MAN2B2: variants seen among roughly 807,000 people sequenced by gnomAD.
The protein encoded by MAN2B2 is mannosidase alpha class 2B member 2, also known as epididymis-specific alpha-mannosidase.
A neutral mutation model predicts 117.1 loss-of-function variants in MAN2B2; 106 were observed. That is an observed-to-expected ratio of 0.90 (90% CI 0.77 to 1.06). The LOEUF (loss-of-function observed/expected upper bound fraction) is 1.06, where lower values mean the gene tolerates loss of function less well. Ranked by LOEUF, MAN2B2 falls within the 50% of genes least tolerant of loss-of-function variation. The pLI is 0.00. For missense variants in MAN2B2, 1,326 were observed against 1,381.4 expected, an observed-to-expected ratio of 0.96 and a Z score of 0.64; for synonymous variants, 544 against 595.1, an observed-to-expected ratio of 0.91 and a Z score of 1.25.
At chr4:6,578,066 G>A (rs892342478) in intron 2 of MAN2B2, among the ~76,000 whole-genome samples, 5 of 152,212 alleles carry the variant, frequency 3.3e-5, no homozygotes, top group African/African-American at 1.2e-4. Context: ...AAAAATGGTA[G>A]TGATGAGTGA....
At chr4:6,593,436 A>C in intron 6 of MAN2B2, 86 bp downstream of exon 6, 4 of 1,342,180 alleles carry the variant, frequency 3.0e-6, no homozygotes, top group South Asian at 1.5e-5. Flanking sequence ...GGGCCACCCT[A>C]TCCAGACCCA....
At position 6,601,944 on chromosome 4, in the gene MAN2B2, A is replaced by G. The variant is rs1178476005; in HGVS notation, c.1539+1188A>G. Among the ~76,000 whole-genome samples the G allele has an allele frequency of 7.2e-5, 11 of 152,210 alleles. No individual in the cohort carries two copies. In the South Asian group the frequency reaches 8.3e-4, roughly 11 times the overall value. On this transcript the variant is annotated intron_variant, in intron 10 of 18. Transcript: ENST00000285599. ...GTAGGAAGACATCACCCAGGGACAC[A>G]CAGCCGTTGAGGGGAGTTGGATCTA...
At chr4:6,579,153 TCACCATCACCAC>T in intron 3 of MAN2B2, among the ~76,000 whole-genome samples, 1 of 17,598 alleles carries the variant, frequency 5.7e-5, no homozygotes, top group East Asian at 5.3e-3. Flanking sequence ...ACCACCACCA[TCACCATCACCAC>T]CACCACCACC....
chr4:6,602,994 C>G (rs1296754145), intron 10 of MAN2B2, among the ~76,000 whole-genome samples: 1 of 152,148 alleles, frequency 6.6e-6, no homozygotes, highest in Non-Finnish European at 1.5e-5. Flanking sequence ...CTCCTGTTTG[C>G]TGGGCCCCCT....
chr4:6,596,871 GTC>G (rs1358957448), intron 7 of MAN2B2, among the ~76,000 whole-genome samples: 1 of 152,088 alleles, frequency 6.6e-6, no homozygotes, highest in African/African-American at 2.4e-5. Context: ...AGTGCAGCCT[GTC>G]TCTCCCACCC....
At chr4:6,590,070 TTAAAA>T (rs1483193111) in intron 5 of MAN2B2, among the ~76,000 whole-genome samples, 1 of 144,752 alleles carries the variant, frequency 6.9e-6, no homozygotes, top group Non-Finnish European at 1.5e-5. Context: ...CTGTCTCTAT[TTAAAA>T]TAAAAAAAAA....
rs534081348 is a variant in MAN2B2 at position 6,614,270 on chromosome 4, C to T, written c.2616C>T (p.Pro872=). ...GPQQQEAVTL[P]PNLHLQILSI... is the part of the protein sequence containing the mutation. ...AGCAGCAAGAGGCCGTGACGCTGCC[C>T]CCGAATCTTCACCTGCAGATCCTGA... Residue 872 remains proline (P), a synonymous_variant, in exon 16 of 19, where the codon CCC becomes CCT. Coordinates refer to ENST00000285599, the MANE Select transcript of MAN2B2 (RefSeq NM_015274.3). 4 of 1,614,130 alleles carry T rather than the reference C, an allele frequency of 2.5e-6. No homozygotes were observed. The South Asian group carries it at 3.3e-5, about 13-fold the overall frequency.
intron 3 of MAN2B2, among the ~76,000 whole-genome samples, chr4:6,583,455 T>G (rs1212670995): frequency 6.6e-6 from 1 of 152,188 alleles, no homozygotes; most frequent in East Asian, 1.9e-4. Context: ...ACAGAATGTA[T>G]ATCGGACGCC....
At chr4:6,579,422 C>CCACCATCACCACCAT (rs1726333678) in intron 3 of MAN2B2, among the ~76,000 whole-genome samples, 1 of 141,348 alleles carries the variant, frequency 7.1e-6, no homozygotes, top group Non-Finnish European at 1.6e-5. Flanking sequence ...ACCATCACCA[C>CCACCATCACCACCAT]CACCATCACC....
At chr4:6,582,025 C>T (rs1292173942) in intron 3 of MAN2B2, among the ~76,000 whole-genome samples, 15 of 152,034 alleles carry the variant, frequency 9.9e-5, no homozygotes, top group African/African-American at 3.4e-4. Context: ...GGATGTTTAG[C>T]GGAGGCCCAG....
rs1483480648 is a variant in MAN2B2, at chr4:6,617,549, G to A, written c.2814+57G>A. On this transcript the variant is annotated intron_variant, in intron 17 of 18. Transcript: ENST00000285599. Reference sequence around the variant, plus strand: ...GCCAGGGAAGCAAACCCTAGATGAAGCCCCAAGAAACTGCCTTGGCAAAGA... The same window carrying A: ...GCCAGGGAAGCAAACCCTAGATGAAACCCCAAGAAACTGCCTTGGCAAAGA... 8 of 1,599,394 alleles carry A rather than the reference G, an allele frequency of 5.0e-6. No homozygotes were observed. In the Admixed American group the frequency reaches 1.0e-4, roughly 21 times the overall value.
chr4:6,586,548 G>T (rs954000053), intron 3 of MAN2B2, among the ~76,000 whole-genome samples: 1 of 152,112 alleles, frequency 6.6e-6, no homozygotes, highest in Non-Finnish European at 1.5e-5. Flanking sequence ...AGTGAAATAC[G>T]CCAGTCACAG....
Position 6,598,254 on chromosome 4 carries a change from C to A in MAN2B2, c.1305C>A (p.Tyr435Ter). 1 of 1,613,778 alleles carries A rather than the reference C, an allele frequency of 6.2e-7. No homozygotes were observed. The highest frequency in any genetic ancestry group is 1.1e-5 in the South Asian group (1 of 91,086). Residue 435 changes from tyrosine to a stop codon, truncating the protein, a stop_gained, in exon 9 of 19, where the codon TAC becomes TAA. Transcript: ENST00000285599. LOFTEE classifies it high-confidence loss of function. Reference sequence around the variant, plus strand: ...AGTCCCCCAAGGTGAGAGACATGTACGCAACGCACCTGGCCTCGGGGATGC... The same window carrying A: ...AGTCCCCCAAGGTGAGAGACATGTAAGCAACGCACCTGGCCTCGGGGATGC... ...GTESPKVRDM[Y>*]ATHLASGMLG...
chr4:6,616,524 C>T (rs752996181), intron 16 of MAN2B2, among the ~76,000 whole-genome samples: 7 of 152,188 alleles, frequency 4.6e-5, no homozygotes, highest in Admixed American at 6.5e-5. Context: ...GGCCACCACG[C>T]CCCCCGCTGA....
intron 3 of MAN2B2, among the ~76,000 whole-genome samples, chr4:6,580,787 G>T (rs951156909): frequency 6.6e-6 from 1 of 152,150 alleles, no homozygotes; most frequent in African/African-American, 2.4e-5. Context: ...GCGCTGAACT[G>T]CCCTGCCCTG....
At position 6,609,886 on chromosome 4, in the gene MAN2B2, C is replaced by G; in HGVS notation, c.2095C>G (p.Arg699Gly). The G allele has an allele frequency of 6.2e-7, 1 of 1,614,124 alleles. No homozygotes were observed. Among genetic ancestry groups the G allele is most frequent in the Non-Finnish European group, 8.5e-7 (1 of 1,180,016 alleles). ...QGHDGELLCH[R>G]IEQEYQAGPL... The stretch of plus-strand genomic sequence containing the variant: ...CCATGACGGGGAGCTGCTCTGCCAC[C>G]GGATAGAGCAGGAGTACCAAGCCGG... Residue 699 changes from arginine (R) to glycine (G), a missense_variant, in exon 13 of 19, where the codon CGG becomes GGG. By Grantham distance (125) the Arg-to-Gly change is moderately radical (BLOSUM62 -2). Coordinates refer to ENST00000285599, the MANE Select transcript of MAN2B2 (RefSeq NM_015274.3).
intron 10 of MAN2B2, among the ~76,000 whole-genome samples, chr4:6,601,416 C>T (rs1386640316): frequency 6.6e-6 from 1 of 151,522 alleles, no homozygotes; most frequent in East Asian, 1.9e-4. Flanking sequence ...AGGAGAATCG[C>T]TTTAACCTGG....
intron 9 of MAN2B2, among the ~76,000 whole-genome samples, chr4:6,598,985 A>G (rs1727217300): frequency 6.6e-6 from 1 of 152,252 alleles, no homozygotes; most frequent in Admixed American, 6.5e-5. Context: ...CAAACTGGGA[A>G]GATCCTGGAC....
intron 11 of MAN2B2, among the ~76,000 whole-genome samples, chr4:6,606,963 C>G (rs1727574937): frequency 6.6e-6 from 1 of 152,282 alleles, no homozygotes; most frequent in Middle Eastern, 3.4e-3. Flanking sequence ...ACACAATTCA[C>G]CCATTTAAAG....
Sources: gnomAD v4.1 joint callset for allele counts (sites outside exome capture counted in the v4.1 genomes callset) on GRCh38, gnomAD v4.1.1 for gene constraint, MANE v1.5 for transcripts, NCBI Gene and HGNC (gene_info 2026-07-23, HGNC 2026-07-21) for gene names.